ARHGAP15: variants seen among roughly 807,000 people sequenced by gnomAD.
ARHGAP15 encodes the protein Rho GTPase activating protein 15.
ARHGAP15 carries 51 observed loss-of-function variants against 63.7 expected under a neutral mutation model. The ratio of observed to expected loss-of-function variants is 0.80; its 90% CI spans 0.64 to 1.01. ARHGAP15 has a LOEUF of 1.01. Ranked by LOEUF, ARHGAP15 falls within the 50% of genes least tolerant of loss-of-function variation. The pLI is 0.00. For synonymous variants in ARHGAP15, 191 were observed against 193.8 expected (o/e 0.99, Z 0.12); for missense variants, 560 against 564.6 (o/e 0.99, Z 0.08).
chr2:143,364,571 A>G (rs1436998641), intron 6 of ARHGAP15, among the ~76,000 whole-genome samples: 1 of 152,234 alleles, frequency 6.6e-6, no homozygotes, highest in African/African-American at 2.4e-5. Flanking sequence ...AAACTTTAGA[A>G]GAGAGAAAAA....
chr2:143,479,497 G>T (rs1313233650), intron 8 of ARHGAP15, among the ~76,000 whole-genome samples: 1 of 152,012 alleles, frequency 6.6e-6, no homozygotes, highest in Non-Finnish European at 1.5e-5. Flanking sequence ...CTGCTTCACA[G>T]TGCCCTTTGT....
chr2:143,748,893 G>C (rs909842404), intron 13 of ARHGAP15, among the ~76,000 whole-genome samples: 1 of 152,038 alleles, frequency 6.6e-6, no homozygotes, highest in Non-Finnish European at 1.5e-5. Context: ...TTTCAATAAA[G>C]ATTTTATTTC....
At chr2:143,131,817 ATGC>A (rs1559024663) in intron 1 of ARHGAP15, among the ~76,000 whole-genome samples, 38 of 152,200 alleles carry the variant, frequency 2.5e-4, no homozygotes, top group Admixed American at 2.2e-3. Flanking sequence ...GAGGAGACTG[ATGC>A]CATGGTAAAT....
intron 10 of ARHGAP15, among the ~76,000 whole-genome samples, chr2:143,531,374 C>T (rs1254820275): frequency 6.6e-6 from 1 of 152,110 alleles, no homozygotes; most frequent in East Asian, 1.9e-4. Context: ...GACATTCAAT[C>T]ATTTTCAGTG....
chr2:143,579,986 T>A (rs1696829326), intron 11 of ARHGAP15, among the ~76,000 whole-genome samples: 1 of 142,840 alleles, frequency 7.0e-6, no homozygotes. Context: ...AAAACAAATG[T>A]TTCTTCAAAA....
At chr2:143,666,148 A>T (rs1682165251) in intron 12 of ARHGAP15, among the ~76,000 whole-genome samples, 1 of 151,644 alleles carries the variant, frequency 6.6e-6, no homozygotes, top group Non-Finnish European at 1.5e-5. Context: ...TGGAGGCATC[A>T]CACTACCTGA....
intron 6 of ARHGAP15, among the ~76,000 whole-genome samples, chr2:143,313,047 T>G (rs1683521132): frequency 6.6e-6 from 1 of 152,112 alleles, no homozygotes; most frequent in Non-Finnish European, 1.5e-5. Flanking sequence ...TACTGTATTT[T>G]AAATGGCAGG....
chr2:143,646,362 T>C (rs143800653), intron 12 of ARHGAP15, among the ~76,000 whole-genome samples: 104 of 152,212 alleles, frequency 6.8e-4, no homozygotes, highest in African/African-American at 2.5e-3. Context: ...TTCTTTTTCC[T>C]AGAAGCCACT....
intron 12 of ARHGAP15, among the ~76,000 whole-genome samples, chr2:143,678,805 T>G (rs757503266): frequency 6.6e-6 from 1 of 152,234 alleles, no homozygotes; most frequent in Non-Finnish European, 1.5e-5. Context: ...CTAACTTCAC[T>G]GATTGTATTT....
At chr2:143,654,539 T>C (rs148518386) in intron 12 of ARHGAP15, among the ~76,000 whole-genome samples, 25 of 152,342 alleles carry the variant, frequency 1.6e-4, no homozygotes, top group African/African-American at 5.5e-4. Context: ...AATTTTTGTA[T>C]AGAAATTGTG....
Position 143,624,249 on chromosome 2 carries a change from C to A in ARHGAP15, c.1120C>A (p.Gln374Lys). The part of the protein sequence containing the change: ...EPLFPYSFFE[Q>K]FVEAIKKQDN... ...GCTCTTCCCTTACAGTTTCTTTGAG[C>A]AGTTTGTGGAAGCGATCAGTAAGTA... The change falls in exon 12 of 14, where the codon CAG (glutamine) becomes AAG (lysine). Residue 374 changes from glutamine to lysine, a missense_variant. Gln to Lys is a moderately conservative substitution (Grantham distance 53). Transcript: ENST00000295095. 1 of 1,613,166 alleles carries A rather than the reference C, an allele frequency of 6.2e-7. No individual in the cohort carries two copies. The highest frequency in any genetic ancestry group is 8.5e-7 in the Non-Finnish European group (1 of 1,179,522).
At position 143,542,603 on chromosome 2, in the gene ARHGAP15, G is replaced by A. The variant is rs1184389316; in HGVS notation, c.926-13805G>A. ...ACATATATATCATATATGTGTATATGTGTGTGTGCATATATATCATATATA... is the reference window on the plus strand; with the variant it reads ...ACATATATATCATATATGTGTATATATGTGTGTGCATATATATCATATATA... On this transcript the variant is annotated intron_variant, in intron 10 of 13. Coordinates refer to ENST00000295095, the MANE Select transcript of ARHGAP15 (RefSeq NM_018460.4). Among the ~76,000 whole-genome samples the A allele has an allele frequency of 2.7e-5, 4 of 145,888 alleles. No homozygotes were observed. In the South Asian group the frequency reaches 6.4e-4, roughly 23 times the overall value.
chr2:143,151,852 C>T lies in ARHGAP15; in HGVS notation c.-14-3625C>T, dbSNP rs149538305. Among the ~76,000 whole-genome samples the T allele has an allele frequency of 2.9e-3, 443 of 151,888 alleles. 5 individuals are homozygous for T. Among genetic ancestry groups the T allele is most frequent in the African/African-American group, 9.9e-3 (412 of 41,448 alleles). On this transcript the variant is annotated intron_variant, in intron 1 of 13. Coordinates refer to ENST00000295095, the MANE Select transcript of ARHGAP15 (RefSeq NM_018460.4). ...TCTAATTGGAATGAGAGGTTCCTAA[C>T]GGGATGAATCAGAGGAAATCGTCTC... is the stretch of plus-strand genomic sequence containing the variant.
intron 11 of ARHGAP15, among the ~76,000 whole-genome samples, chr2:143,604,843 A>C (rs564388351): frequency 6.6e-6 from 1 of 152,304 alleles, no homozygotes; most frequent in Non-Finnish European, 1.5e-5. Flanking sequence ...TGAAGAAAAG[A>C]GAAAAGTAAT....
chr2:143,214,373 G>A (rs1692671350), intron 3 of ARHGAP15, among the ~76,000 whole-genome samples: 1 of 152,126 alleles, frequency 6.6e-6, no homozygotes, highest in Admixed American at 6.5e-5. Context: ...AATTGCTATT[G>A]AAAACATCTT....
At chr2:143,239,364 T>A (rs1230828982) in intron 5 of ARHGAP15, among the ~76,000 whole-genome samples, 1 of 152,186 alleles carries the variant, frequency 6.6e-6, no homozygotes, top group Non-Finnish European at 1.5e-5. Context: ...TTAATTATAG[T>A]TACCATGCTG....
intron 12 of ARHGAP15, among the ~76,000 whole-genome samples, chr2:143,631,101 G>C (rs538375617): frequency 1.3e-5 from 2 of 152,056 alleles, no homozygotes; most frequent in Admixed American, 1.3e-4. Flanking sequence ...ACTCTTTTGG[G>C]GGAGAGGCTT....
At chr2:143,728,607 T>C (rs1055169246) in intron 13 of ARHGAP15, among the ~76,000 whole-genome samples, 4 of 152,192 alleles carry the variant, frequency 2.6e-5, no homozygotes, top group African/African-American at 9.6e-5. Flanking sequence ...TCTATGGGAA[T>C]GAAACAATGA....
chr2:143,333,646 G>A (rs759936007), intron 6 of ARHGAP15, among the ~76,000 whole-genome samples: 2 of 152,180 alleles, frequency 1.3e-5, no homozygotes, highest in African/African-American at 2.4e-5. Context: ...TAATGGCTGT[G>A]TTACTTCGGG....
Sources: gnomAD v4.1 joint callset for allele counts (sites outside exome capture counted in the v4.1 genomes callset) on GRCh38, gnomAD v4.1.1 for gene constraint, MANE v1.5 for transcripts, NCBI Gene and HGNC (gene_info 2026-07-23, HGNC 2026-07-21) for gene names.